The following CELF4 variants were observed in gnomAD, a reference collection of about 807,000 sequenced individuals.
CELF4 encodes the protein CUGBP Elav-like family member 4.
In CELF4, 18 loss-of-function variants were observed where a neutral mutation model predicts 59.9. The ratio of observed to expected loss-of-function variants is 0.30; its 90% CI spans 0.21 to 0.45. The LOEUF is 0.45. CELF4 is among the 20% of genes least tolerant of loss of function. The pLI, the probability that CELF4 is intolerant of heterozygous loss-of-function variation, is 1.00. For synonymous variants in CELF4, 261 were observed against 267.1 expected (o/e 0.98, Z 0.22); for missense variants, 456 against 689.0 (o/e 0.66, Z 3.79).
At chr18:37,290,647 C>T (rs576643107) in intron 3 of CELF4, among the ~76,000 whole-genome samples, 1 of 152,298 alleles carries the variant, frequency 6.6e-6, no homozygotes, top group South Asian at 2.1e-4. Context: ...GGGAGGGAAG[C>T]AGGGACCACC....
At chr18:37,366,749 GGGTCAC>G (rs2098790234) in intron 2 of CELF4, among the ~76,000 whole-genome samples, 1 of 152,076 alleles carries the variant, frequency 6.6e-6, no homozygotes, top group South Asian at 2.1e-4. Flanking sequence ...AGCATCCTTG[GGGTCAC>G]AGAACACCTG....
intron 3 of CELF4, among the ~76,000 whole-genome samples, chr18:37,289,782 G>A (rs2095192568): frequency 6.6e-6 from 1 of 152,234 alleles, no homozygotes; most frequent in Non-Finnish European, 1.5e-5. Context: ...AGTGGCGCAG[G>A]TGAGGCTGGA....
chr18:37,304,827 T>C (rs960190158), intron 3 of CELF4, among the ~76,000 whole-genome samples: 1 of 151,930 alleles, frequency 6.6e-6, no homozygotes, highest in Non-Finnish European at 1.5e-5. Context: ...AGCCCTGGGG[T>C]GGCTCTCCGC....
At chr18:37,305,998 C>T (rs528761407) in intron 3 of CELF4, 11 of 152,398 alleles carry the variant, frequency 7.2e-5, no homozygotes, top group Admixed American at 5.9e-4. Context: ...ACCCACTCTG[C>T]TTACAGCTGA....
At chr18:37,564,161 T>C (rs758020207) in intron 1 of CELF4, among the ~76,000 whole-genome samples, 20 of 152,066 alleles carry the variant, frequency 1.3e-4, no homozygotes, top group Non-Finnish European at 2.9e-4. Context: ...TCCATACACA[T>C]CCCCTACAAC....
chr18:37,509,337 G>T (rs905193162), intron 1 of CELF4, among the ~76,000 whole-genome samples: 1 of 152,228 alleles, frequency 6.6e-6, no homozygotes, highest in African/African-American at 2.4e-5. Flanking sequence ...CAGGCACTGG[G>T]TGCCCTACCC....
chr18:37,260,515 A>T (rs1477675177), intron 10 of CELF4, among the ~76,000 whole-genome samples: 1 of 152,174 alleles, frequency 6.6e-6, no homozygotes, highest in Non-Finnish European at 1.5e-5. Context: ...GGCTGCTGGA[A>T]ACCTAGGCAT....
chr18:37,274,503 C>T (rs760551043), intron 5 of CELF4, 49 bp from the exon 6 acceptor site: 6 of 1,608,582 alleles, frequency 3.7e-6, no homozygotes, highest in African/African-American at 2.7e-5. Context: ...AGCCTCCGCC[C>T]GCAGCTGTCG....
chr18:37,372,459 C>T (rs1281056857), intron 2 of CELF4, among the ~76,000 whole-genome samples: 1 of 152,164 alleles, frequency 6.6e-6, no homozygotes, highest in African/African-American at 2.4e-5. Context: ...GGGCAGGGAA[C>T]ATCACACACC....
chr18:37,458,007 G>A (rs947199580), intron 2 of CELF4, among the ~76,000 whole-genome samples: 1 of 152,174 alleles, frequency 6.6e-6, no homozygotes, highest in Non-Finnish European at 1.5e-5. Flanking sequence ...GGCAGAGTGG[G>A]TGGGTGGGTG....
intron 2 of CELF4, among the ~76,000 whole-genome samples, chr18:37,468,913 G>T (rs536755218): frequency 2.6e-5 from 4 of 152,118 alleles, no homozygotes; most frequent in Non-Finnish European, 4.4e-5. Context: ...CTCTTGACAC[G>T]TGGGGATTAT....
intron 1 of CELF4, among the ~76,000 whole-genome samples, chr18:37,497,421 A>G (rs1309421602): frequency 6.6e-6 from 1 of 152,246 alleles, no homozygotes; most frequent in Non-Finnish European, 1.5e-5. Context: ...TGGGAGGCCA[A>G]GGCGGGCAGA....
chr18:37,270,105 C>T lies in CELF4; in HGVS notation c.1099+663G>A, dbSNP rs191410372. Among the ~76,000 whole-genome samples, 4 of 152,374 alleles carry T rather than the reference C, an allele frequency of 2.6e-5. No homozygotes were observed. The East Asian group carries it at 5.8e-4, about 22-fold the overall frequency. On this transcript the variant is annotated intron_variant, in intron 8 of 12. Coordinates refer to ENST00000420428, the MANE Select transcript of CELF4 (RefSeq NM_020180.4). ...AGAGCTGCTTCAGGCCAACTGGACA[C>T]TCTCACCCTGTGAGGACGGCTAAGT...
chr18:37,390,625 G>A lies in CELF4; in HGVS notation c.370-68744C>T, dbSNP rs2099148872. 2.0e-5 allele frequency among the ~76,000 whole-genome samples: 3 copies of A among 152,174 alleles called. No individual in the cohort carries two copies. The South Asian group carries it at 6.2e-4, about 32-fold the overall frequency. ...GTGAGCAGAATTAAGCTGGGGGCAG[G>A]GGGCTGGGCAGAAATCTCTGGGGAG... On this transcript the variant is annotated intron_variant, in intron 2 of 12. Transcript: ENST00000420428.
intron 3 of CELF4, among the ~76,000 whole-genome samples, chr18:37,315,746 A>G (rs2096845971): frequency 6.6e-6 from 1 of 152,106 alleles, no homozygotes; most frequent in Non-Finnish European, 1.5e-5. Context: ...CACAGGGGAG[A>G]TAGCACGCAT....
intron 2 of CELF4, among the ~76,000 whole-genome samples, chr18:37,435,932 T>A (rs2099690269): frequency 6.6e-6 from 1 of 152,122 alleles, no homozygotes; most frequent in Non-Finnish European, 1.5e-5. Flanking sequence ...GACAGAGTGG[T>A]GTCTCCCTAG....
chr18:37,424,591 G>T (rs1011332147), intron 2 of CELF4, among the ~76,000 whole-genome samples: 1 of 152,182 alleles, frequency 6.6e-6, no homozygotes, highest in Non-Finnish European at 1.5e-5. Flanking sequence ...TGGTAACTGG[G>T]TTTGTGCAGT....
Position 37,275,595 on chromosome 18 carries a change from G to A in CELF4, c.449-352C>T, listed in dbSNP as rs2093038952. 8 of 273,240 alleles carry A rather than the reference G, an allele frequency of 2.9e-5. 1 individual carries two copies. The South Asian group carries it at 3.6e-4, about 12-fold the overall frequency. The allele number at this position is 273,240 out of a possible 1,614,324, so 16.9% of individuals were successfully genotyped here. On this transcript the variant is annotated intron_variant, in intron 3 of 12. Transcript: ENST00000420428. Reference sequence around the variant, plus strand: ...GGGCTGACCCCTCACTAGAGCACACGGGCAGCCTGCGTTCCCCTCCTCCTT... The same window carrying A: ...GGGCTGACCCCTCACTAGAGCACACAGGCAGCCTGCGTTCCCCTCCTCCTT...
At chr18:37,489,421 C>A (rs1048186931) in intron 1 of CELF4, among the ~76,000 whole-genome samples, 3 of 151,992 alleles carry the variant, frequency 2.0e-5, no homozygotes, top group Non-Finnish European at 4.4e-5. Flanking sequence ...GAATGGGGGG[C>A]CGGGGAAGAA....
Sources: allele counts gnomAD v4.1 joint callset (sites outside exome capture counted in the v4.1 genomes callset), GRCh38; gene constraint gnomAD v4.1.1; transcripts MANE v1.5; gene names NCBI Gene and HGNC (gene_info 2026-07-23, HGNC 2026-07-21).